CDK6: variants seen among roughly 807,000 people sequenced by gnomAD.
CDK6 encodes cyclin-dependent kinase 6.
A neutral mutation model predicts 37.1 loss-of-function variants in CDK6; 6 were observed. The ratio of observed to expected loss-of-function variants is 0.16; its 90% CI spans 0.09 to 0.32. CDK6 has a LOEUF of 0.32. CDK6 is among the 10% of genes least tolerant of loss of function. The pLI is 1.00. For synonymous variants in CDK6, 160 were observed against 161.3 expected (o/e 0.99, Z 0.06); for missense variants, 224 against 418.9 (o/e 0.53, Z 4.06).
chr7:92,833,008 C>A lies in CDK6; in HGVS notation c.233+83G>T. The A allele has an allele frequency of 2.0e-6, 2 of 1,001,398 alleles. No homozygotes were observed. The highest frequency in any genetic ancestry group is 2.6e-5 in the East Asian group (1 of 38,126). The allele number at this position is 1,001,398 out of a possible 1,614,324, so 62.0% of individuals were successfully genotyped here. A position where few individuals can be genotyped will look rare whatever the true frequency, so the allele number is the denominator to read the frequency against. ...TCCCCAGTCGCCCTCTGCCCCGCAC[C>A]TTTCTGGGCCTGAGGATTCCCGGCT... On this transcript the variant is annotated intron_variant, in intron 2 of 7. Coordinates refer to ENST00000424848, the MANE Select transcript of CDK6 (RefSeq NM_001145306.2). This position sits in a 1 kb window ranked among gnomAD's most constrained non-coding sequence, Gnocchi z 6.1.
At chr7:92,771,287 CT>C (rs1799710866) in intron 3 of CDK6, among the ~76,000 whole-genome samples, 1 of 140,048 alleles carries the variant, frequency 7.1e-6, no homozygotes, top group African/African-American at 2.6e-5. Context: ...GTGACTCCGT[CT>C]CAAAAAAAAA....
At chr7:92,820,716 A>G (rs2115979581) in intron 2 of CDK6, among the ~76,000 whole-genome samples, 1 of 152,268 alleles carries the variant, frequency 6.6e-6, no homozygotes, top group African/African-American at 2.4e-5. Context: ...TTAACAAGGT[A>G]AGTCCTCATT....
At chr7:92,665,353 T>C (rs1796933848) in intron 5 of CDK6, among the ~76,000 whole-genome samples, 1 of 152,166 alleles carries the variant, frequency 6.6e-6, no homozygotes, top group African/African-American at 2.4e-5. Flanking sequence ...ACCAAATTTA[T>C]AACAATTTTT....
intron 3 of CDK6, among the ~76,000 whole-genome samples, chr7:92,736,233 TA>T (rs1433403659): frequency 6.6e-6 from 1 of 152,174 alleles, no homozygotes; most frequent in Non-Finnish European, 1.5e-5. Flanking sequence ...TGACATAGGA[TA>T]TTATGCTTAA....
intron 4 of CDK6, 118 bp from the exon 5 acceptor site, chr7:92,671,653 T>C: frequency 8.3e-6 from 4 of 480,096 alleles, no homozygotes; most frequent in Non-Finnish European, 1.5e-5. Context: ...ATAAATCATA[T>C]AAGGACACTG....
Position 92,609,345 on chromosome 7 carries a change from TA to T in CDK6, c.*5794del. 1 of 231,762 alleles carries T rather than the reference TA, an allele frequency of 4.3e-6. No homozygotes were observed. Among genetic ancestry groups the T allele is most frequent in the Non-Finnish European group, 8.5e-6 (1 of 117,254 alleles). The allele number at this position is 231,762 out of a possible 1,614,324, so 14.4% of individuals were successfully genotyped here. A position where few individuals can be genotyped will look rare whatever the true frequency, so the allele number is the denominator to read the frequency against. On this transcript the variant is annotated 3_prime_UTR_variant, in exon 8 of 8. Coordinates refer to ENST00000424848, the MANE Select transcript of CDK6 (RefSeq NM_001145306.2). ...AAGTCTTTAAGTAGACTTGTAAATT[TA>T]AAAAAAGTATATAAAGTTGCCAAAA...
At chr7:92,694,049 G>T (rs1334430408) in intron 4 of CDK6, among the ~76,000 whole-genome samples, 1 of 152,090 alleles carries the variant, frequency 6.6e-6, no homozygotes, top group Non-Finnish European at 1.5e-5. Flanking sequence ...CTCATCTTTA[G>T]TCATCTGTGA....
intron 2 of CDK6, among the ~76,000 whole-genome samples, chr7:92,805,184 T>C (rs1800693134): frequency 2.0e-5 from 3 of 152,044 alleles, no homozygotes; most frequent in South Asian, 4.1e-4. Flanking sequence ...TTGGGATGAG[T>C]TGGAGACTGA....
chr7:92,833,958 G>C lies in CDK6; in HGVS notation c.-367-268C>G, dbSNP rs1056736084. On this transcript the variant is annotated intron_variant, in intron 1 of 7. Transcript: ENST00000424848. The surrounding 1 kb of genome is among the most constrained non-coding windows in gnomAD (Gnocchi z 6.1). ...GGATGAGCGAGCGGCGCGGGACGCA[G>C]TGGAACGGGAGGGGGCGTGCCGAGC... 2.5e-6 allele frequency: 1 copy of C among 398,662 alleles called. No homozygotes were observed. The highest frequency in any genetic ancestry group is 4.4e-6 in the Non-Finnish European group (1 of 226,194). 24.7% of individuals were successfully genotyped at this position (398,662 alleles called of 1,614,324 possible).
intron 3 of CDK6, among the ~76,000 whole-genome samples, chr7:92,750,768 G>A (rs1424366998): frequency 6.6e-6 from 1 of 152,150 alleles, no homozygotes; most frequent in Non-Finnish European, 1.5e-5. Flanking sequence ...TAGTCACAGT[G>A]TGATCTGAAT....
At chr7:92,647,962 T>C (rs1796488113) in intron 5 of CDK6, among the ~76,000 whole-genome samples, 1 of 152,224 alleles carries the variant, frequency 6.6e-6, no homozygotes. Context: ...TCTCCCTCTA[T>C]AGCATGAGCA....
At chr7:92,730,730 T>A (rs895154799) in intron 3 of CDK6, among the ~76,000 whole-genome samples, 1 of 152,230 alleles carries the variant, frequency 6.6e-6, no homozygotes, top group African/African-American at 2.4e-5. Flanking sequence ...TCTTTAAGGT[T>A]AAATAATATT....
intron 4 of CDK6, among the ~76,000 whole-genome samples, chr7:92,699,192 CAG>C (rs1404493343): frequency 6.6e-6 from 1 of 152,202 alleles, no homozygotes; most frequent in Non-Finnish European, 1.5e-5. Flanking sequence ...AGTTCACTAT[CAG>C]AGAGACAGAA....
intron 2 of CDK6, among the ~76,000 whole-genome samples, chr7:92,824,380 C>T (rs1045002965): frequency 2.6e-5 from 4 of 151,984 alleles, no homozygotes; most frequent in South Asian, 2.1e-4. Flanking sequence ...AAAGAAAGAA[C>T]AAGCAAAGAA....
At chr7:92,646,450 T>TGCAGTG (rs776399400) in intron 5 of CDK6, among the ~76,000 whole-genome samples, 1 of 150,684 alleles carries the variant, frequency 6.6e-6, no homozygotes, top group East Asian at 1.9e-4. Flanking sequence ...CAGGCCAGAG[T>TGCAGTG]GCAGTGGCGC....
intron 5 of CDK6, among the ~76,000 whole-genome samples, chr7:92,652,887 AC>A (rs1342243450): frequency 6.6e-6 from 1 of 152,240 alleles, no homozygotes; most frequent in Non-Finnish European, 1.5e-5. Context: ...TGGGTATTTA[AC>A]AAATATACAA....
intron 2 of CDK6, among the ~76,000 whole-genome samples, chr7:92,819,512 G>A (rs1801117785): frequency 6.6e-6 from 1 of 151,958 alleles, no homozygotes; most frequent in South Asian, 2.1e-4. Flanking sequence ...TAAAATGGGT[G>A]TATTTTACTG....
At chr7:92,723,395 T>C in intron 4 of CDK6, among the ~76,000 whole-genome samples, 1 of 152,204 alleles carries the variant, frequency 6.6e-6, no homozygotes, top group East Asian at 1.9e-4. Flanking sequence ...TCTCAGTTCC[T>C]GTATGACATA....
intron 3 of CDK6, among the ~76,000 whole-genome samples, chr7:92,737,529 G>C (rs17164760): frequency 0.12 from 18,381 of 152,120 alleles, 1,353 homozygotes; most frequent in South Asian, 0.22. Context: ...TCCCGAAACT[G>C]TCCTTAGGTG....
Sources: allele counts gnomAD v4.1 joint callset (sites outside exome capture counted in the v4.1 genomes callset), GRCh38; gene constraint gnomAD v4.1.1; non-coding constraint Gnocchi (gnomAD v3.1); transcripts MANE v1.5; gene names NCBI Gene and HGNC (gene_info 2026-07-23, HGNC 2026-07-21).